The following PODN variants were observed in gnomAD, a reference collection of about 807,000 sequenced individuals.
The protein encoded by PODN is podocan.
PODN carries 40 observed loss-of-function variants against 52.7 expected under a neutral mutation model. The observed-to-expected ratio is 0.76, with a 90% CI of 0.59 to 0.99. The LOEUF (loss-of-function observed/expected upper bound fraction) is 0.99, where lower values mean the gene tolerates loss of function less well. Ranked by LOEUF, PODN falls within the 50% of genes least tolerant of loss-of-function variation. The pLI is 0.00. For missense variants in PODN, 720 were observed against 815.1 expected, an observed-to-expected ratio of 0.88 and a Z score of 1.42; for synonymous variants, 396 against 377.9, an observed-to-expected ratio of 1.05 and a Z score of -0.56.
chr1:53,075,017 G>T (rs546378393), intron 4 of PODN, among the ~76,000 whole-genome samples: 8 of 152,214 alleles, frequency 5.3e-5, no homozygotes, highest in Admixed American at 1.3e-4. Flanking sequence ...GCCCCAGGGT[G>T]GGGGGCACTG....
chr1:53,073,598 A>G (rs1460855288), intron 3 of PODN: 1 of 152,228 alleles, frequency 6.6e-6, no homozygotes, highest in Non-Finnish European at 1.5e-5. Context: ...GAGTCCTCAC[A>G]TTTTAAAAAG....
chr1:53,078,289 C>A, intron 7 of PODN, 76 bp from the exon 8 acceptor site: 1 of 1,436,560 alleles, frequency 7.0e-7, no homozygotes. Context: ...TCCCCAGCCA[C>A]ATCTCTTGGG....
intron 10 of PODN, among the ~76,000 whole-genome samples, chr1:53,083,086 C>T (rs1644318252): frequency 6.6e-6 from 1 of 152,190 alleles, no homozygotes; most frequent in African/African-American, 2.4e-5. Flanking sequence ...GATTTTTCCA[C>T]CTGGAGGCTG....
chr1:53,065,995 C>CTTTTTTT (rs780284767), intron 1 of PODN, among the ~76,000 whole-genome samples: 1,282 of 115,238 alleles, frequency 0.011, 113 homozygotes, highest in African/African-American at 0.045. Context: ...TTCTAGAGGT[C>CTTTTTTT]TTTTTTTTTT....
rs369911030 is a variant in PODN, at chr1:53,075,940, G to C, written c.550G>C (p.Gly184Arg). 6.2e-7 allele frequency: 1 copy of C among 1,602,234 alleles called. No individual in the cohort carries two copies. The highest frequency in any genetic ancestry group is 8.5e-7 in the Non-Finnish European group (1 of 1,173,234). ...FAANYLTKIYGLTFGQKPNLR... is the reference protein window; with the variant it reads ...FAANYLTKIYRLTFGQKPNLR... ...TGCCAACTATCTCACCAAGATCTAT[G>C]GGCTCACCTTTGGCCAGAAGCCAAA... is the stretch of plus-strand genomic sequence containing the variant. Residue 184 changes from glycine (G) to arginine (R), a missense_variant, in exon 5 of 11, where the codon GGG becomes CGG. Gly to Arg is a moderately radical substitution (Grantham distance 125). Transcript: ENST00000312553.
chr1:53,081,088 C>T (rs902065312), intron 9 of PODN, among the ~76,000 whole-genome samples: 3 of 152,220 alleles, frequency 2.0e-5, no homozygotes, highest in Admixed American at 6.5e-5. Flanking sequence ...TGCGCATGGG[C>T]GTTGTGAATG....
At chr1:53,065,905 A>G (rs1203949977) in intron 1 of PODN, among the ~76,000 whole-genome samples, 1 of 152,010 alleles carries the variant, frequency 6.6e-6, no homozygotes, top group Non-Finnish European at 1.5e-5. Context: ...CTCAGCTTAT[A>G]CATAATGCTG....
chr1:53,066,887 G>T (rs901576425), intron 1 of PODN: 2 of 1,545,238 alleles, frequency 1.3e-6, no homozygotes, highest in African/African-American at 2.7e-5. Flanking sequence ...CAGGATATGT[G>T]AGACCAGAGC....
chr1:53,074,576 A>G (rs1044516733), intron 3 of PODN, 30 bp from the exon 4 acceptor site: 8 of 1,613,464 alleles, frequency 5.0e-6, no homozygotes, highest in Admixed American at 1.7e-5. Context: ...TCCTCCATCC[A>G]GGGCTCTGAC....
intron 1 of PODN, chr1:53,063,259 G>A: frequency 1.4e-6 from 1 of 709,628 alleles, no homozygotes; most frequent in Non-Finnish European, 1.7e-6. Context: ...GAGCACCCCG[G>A]CCCCGGTGCG....
chr1:53,070,281 G>T, intron 2 of PODN, 114 bp downstream of exon 2: 1 of 1,493,158 alleles, frequency 6.7e-7, no homozygotes, highest in Non-Finnish European at 9.0e-7. Flanking sequence ...CAATATGTGC[G>T]GCTCTCCACT....
Position 53,062,254 on chromosome 1 carries a change from G to A in PODN, c.-110G>A. 2.4e-6 allele frequency: 3 copies of A among 1,274,854 alleles called. No homozygotes were observed. Among genetic ancestry groups the A allele is most frequent in the Non-Finnish European group, 3.0e-6 (3 of 1,003,720 alleles). 79.0% of individuals were successfully genotyped at this position (1,274,854 alleles called of 1,614,324 possible). A position where few individuals can be genotyped will look rare whatever the true frequency, so the allele number is the denominator to read the frequency against. ...GCCCGAGCCCGCGGAGCGCAGCTGA[G>A]ACTGGGGGAGCGCGTTCGGCCTGTG... On this transcript the variant is annotated 5_prime_UTR_variant, in exon 1 of 11. Transcript: ENST00000312553.
At position 53,080,740 on chromosome 1, in the gene PODN, G is replaced by C; in HGVS notation, c.1525G>C (p.Ala509Pro). 6.2e-7 allele frequency: 1 copy of C among 1,613,890 alleles called. No homozygotes were observed. Among genetic ancestry groups the C allele is most frequent in the Non-Finnish European group, 8.5e-7 (1 of 1,179,910 alleles). Residue 509 changes from alanine (A) to proline (P), a missense_variant, in exon 9 of 11, where the codon GCC becomes CCC. Coordinates refer to ENST00000312553, the MANE Select transcript of PODN (RefSeq NM_153703.5). Reference protein sequence around the residue: ...DLAHLQLLDIAGNQLTEIPEG... With the variant: ...DLAHLQLLDIPGNQLTEIPEG... ...GTCACCCCTGCAGCTGCTGGACATCGCCGGGAATCAGCTCACAGAGATCCC... is the reference window on the plus strand; with the variant it reads ...GTCACCCCTGCAGCTGCTGGACATCCCCGGGAATCAGCTCACAGAGATCCC...
At chr1:53,076,101 A>T in intron 5 of PODN, 130 bp downstream of exon 5, 1 of 763,632 alleles carries the variant, frequency 1.3e-6, no homozygotes. Context: ...GTGGAGGGAC[A>T]CCCAGGGGCC....
intron 4 of PODN, 145 bp from the exon 5 acceptor site, chr1:53,075,717 G>C: frequency 3.0e-6 from 2 of 664,322 alleles, no homozygotes; most frequent in Non-Finnish European, 5.3e-6. Flanking sequence ...TTTTGCAGAG[G>C]GGGTGGGACA....
intron 7 of PODN, 141 bp downstream of exon 7, chr1:53,077,941 C>A (rs1165203326): frequency 1.1e-5 from 7 of 645,518 alleles, no homozygotes. Context: ...AGCCTTGTGC[C>A]TCTGTTGACA....
chr1:53,065,770 C>T (rs1463446911), intron 1 of PODN, among the ~76,000 whole-genome samples: 1 of 152,166 alleles, frequency 6.6e-6, no homozygotes, highest in Non-Finnish European at 1.5e-5. Context: ...AGTCCCTATC[C>T]CCCACCTGAC....
rs200524442 is a variant in PODN at position 53,078,808 on chromosome 1, G to T, written c.1298G>T (p.Arg433Leu). 2 of 1,613,102 alleles carry T rather than the reference G, an allele frequency of 1.2e-6. No individual in the cohort carries two copies. The highest frequency in any genetic ancestry group is 1.7e-6 in the Non-Finnish European group (2 of 1,179,866). The change falls in exon 8 of 11, where the codon CGC (arginine) becomes CTC (leucine). Residue 433 changes from arginine (R) to leucine (L), a missense_variant. Physicochemically the swap from Arg to Leu is moderately radical, Grantham distance 102 (BLOSUM62 -2). Coordinates refer to ENST00000312553, the MANE Select transcript of PODN (RefSeq NM_153703.5). ...GCCTTCCGCAAGCTGCGCCTGCTGCGCTCGCTGGACCTGTCGGGCAACCGG... is the reference window on the plus strand; with the variant it reads ...GCCTTCCGCAAGCTGCGCCTGCTGCTCTCGCTGGACCTGTCGGGCAACCGG... The part of the protein sequence containing the change: ...RDAFRKLRLL[R>L]SLDLSGNRLH...
chr1:53,062,261 G>A lies in PODN; in HGVS notation c.-103G>A. 1.6e-6 allele frequency: 2 copies of A among 1,273,690 alleles called. No homozygotes were observed. The highest frequency in any genetic ancestry group is 2.0e-6 in the Non-Finnish European group (2 of 1,003,036). The allele number at this position is 1,273,690 out of a possible 1,614,324, so 78.9% of individuals were successfully genotyped here. ...CCCGCGGAGCGCAGCTGAGACTGGG[G>A]GAGCGCGTTCGGCCTGTGGGGCGCC... On this transcript the variant is annotated 5_prime_UTR_variant, in exon 1 of 11. Transcript: ENST00000312553.
Sources: allele counts gnomAD v4.1 joint callset (sites outside exome capture counted in the v4.1 genomes callset), GRCh38; gene constraint gnomAD v4.1.1; transcripts MANE v1.5; gene names NCBI Gene and HGNC (gene_info 2026-07-23, HGNC 2026-07-21).